Variants in ITPR1 observed in about 807,000 individuals in gnomAD.
ITPR1 encodes the protein inositol 1,4,5-trisphosphate-gated calcium channel ITPR1.
ITPR1 carries 96 observed loss-of-function variants against 318.4 expected under a neutral mutation model. The observed-to-expected ratio is 0.30, with a 90% CI of 0.26 to 0.36. ITPR1 has a LOEUF of 0.36. Among genes scored for constraint, ITPR1 ranks in the 10% least tolerant of loss-of-function variants. The pLI is 1.00. For synonymous variants in ITPR1, 1,312 were observed against 1,289.9 expected (o/e 1.02, Z -0.37); for missense variants, 2,440 against 3,460.2 (o/e 0.71, Z 7.40).
intron 4 of ITPR1, among the ~76,000 whole-genome samples, chr3:4,620,917 C>T (rs1348083730): frequency 1.3e-5 from 2 of 152,042 alleles, no homozygotes; most frequent in Non-Finnish European, 2.9e-5. Context: ...TCCTCTTTTT[C>T]TGCCACCCCC....
At chr3:4,728,489 T>C (rs1053914628) in intron 42 of ITPR1, among the ~76,000 whole-genome samples, 8 of 152,200 alleles carry the variant, frequency 5.3e-5, no homozygotes, top group African/African-American at 1.9e-4. Context: ...TATGTATTTA[T>C]AGGGTACATG....
rs1162366625 is a variant in ITPR1, at chr3:4,720,136, T to C, written c.5136+2737T>C. 2.6e-5 allele frequency among the ~76,000 whole-genome samples: 4 copies of C among 152,230 alleles called. No individual in the cohort carries two copies. In the South Asian group the frequency reaches 8.3e-4, roughly 31 times the overall value. On this transcript the variant is annotated intron_variant, in intron 40 of 61. Transcript: ENST00000649015. ...GACATTCATTTATATGACTAATATT[T>C]GAGTGCCTGTTACGTCCAGGGGGAT... is the stretch of plus-strand genomic sequence containing the variant.
chr3:4,742,160 G>A (rs571807029), intron 44 of ITPR1, among the ~76,000 whole-genome samples: 2 of 152,162 alleles, frequency 1.3e-5, no homozygotes, highest in African/African-American at 2.4e-5. Flanking sequence ...GAAGGAGAGA[G>A]CCTATCAACT....
chr3:4,768,244 G>C (rs768552998), intron 45 of ITPR1: 1 of 349,660 alleles, frequency 2.9e-6, no homozygotes, highest in Non-Finnish European at 5.1e-6. Flanking sequence ...GATGTGTGAG[G>C]CTGACAGAAC....
chr3:4,714,427 C>T lies in ITPR1; in HGVS notation c.5103+2559C>T, dbSNP rs575556877. On this transcript the variant is annotated intron_variant, in intron 39 of 61. Transcript: ENST00000649015. ...GTCCAGAATTGTTCTGCTTCTCTGC[C>T]CTCTCCTGAGCCTTCACCGCCAAAG... Among the ~76,000 whole-genome samples, 3 of 152,252 alleles carry T rather than the reference C, an allele frequency of 2.0e-5. No individual in the cohort carries two copies. The East Asian group carries it at 5.8e-4, about 29-fold the overall frequency.
intron 44 of ITPR1, among the ~76,000 whole-genome samples, chr3:4,741,518 G>A (rs537036375): frequency 6.6e-6 from 1 of 150,478 alleles, no homozygotes; most frequent in South Asian, 2.1e-4. Flanking sequence ...AGTGATCCCT[G>A]GTTCATGAGG....
chr3:4,716,871 T>C (rs2041804688), intron 39 of ITPR1, among the ~76,000 whole-genome samples: 1 of 152,194 alleles, frequency 6.6e-6, no homozygotes, highest in African/African-American at 2.4e-5. Context: ...AGGCTGGGGA[T>C]ATGCTGGTCT....
chr3:4,615,377 T>C (rs59496757), intron 4 of ITPR1, among the ~76,000 whole-genome samples: 1,187 of 116,926 alleles, frequency 0.01, 16 homozygotes, highest in African/African-American at 0.046. Flanking sequence ...TTCTTTCTTT[T>C]TTTTTTTTTT....
chr3:4,738,565 A>C (rs1232656973), intron 44 of ITPR1, among the ~76,000 whole-genome samples: 2 of 152,170 alleles, frequency 1.3e-5, no homozygotes, highest in African/African-American at 4.8e-5. Flanking sequence ...CTAACAATGA[A>C]GTATAGTGGC....
At chr3:4,597,066 G>A (rs2090886624) in intron 4 of ITPR1, among the ~76,000 whole-genome samples, 3 of 152,218 alleles carry the variant, frequency 2.0e-5, no homozygotes, top group Admixed American at 1.3e-4. Flanking sequence ...GTCTGAAGGG[G>A]TCTTCTTATT....
At chr3:4,559,088 G>T (rs532370827) in intron 4 of ITPR1, among the ~76,000 whole-genome samples, 1 of 151,898 alleles carries the variant, frequency 6.6e-6, no homozygotes, top group Non-Finnish European at 1.5e-5. Context: ...AAACTCCTGG[G>T]TGCAAATGAT....
chr3:4,526,376 T>C (rs1042428959), intron 4 of ITPR1, among the ~76,000 whole-genome samples: 1 of 152,214 alleles, frequency 6.6e-6, no homozygotes, highest in Non-Finnish European at 1.5e-5. Flanking sequence ...GTATCTTACA[T>C]TTCTCTTTCC....
chr3:4,707,469 G>A (rs776641052), intron 37 of ITPR1, among the ~76,000 whole-genome samples: 20 of 152,224 alleles, frequency 1.3e-4, no homozygotes, highest in South Asian at 4.1e-4. Context: ...CCCAAGATGA[G>A]TGTGTGTAGA....
intron 59 of ITPR1, among the ~76,000 whole-genome samples, chr3:4,817,224 C>G (rs2049361856): frequency 6.6e-6 from 1 of 152,190 alleles, no homozygotes; most frequent in South Asian, 2.1e-4. Context: ...AGCCCCGGTT[C>G]TTTTTACTGG....
At chr3:4,752,820 A>G (rs79322395) in intron 44 of ITPR1, among the ~76,000 whole-genome samples, 4,582 of 152,244 alleles carry the variant, frequency 0.03, 263 homozygotes, top group African/African-American at 0.1. Flanking sequence ...ATGTTTACTT[A>G]CTGAGCACTC....
At chr3:4,793,514 G>A (rs943345028) in intron 52 of ITPR1, among the ~76,000 whole-genome samples, 3 of 152,170 alleles carry the variant, frequency 2.0e-5, no homozygotes, top group Non-Finnish European at 2.9e-5. Flanking sequence ...ATCCAGATCG[G>A]AAATGGGCTT....
chr3:4,846,129 A>G lies in ITPR1; in HGVS notation c.8191-10A>G. The G allele has an allele frequency of 6.5e-7, 1 of 1,532,918 alleles. No individual in the cohort carries two copies. Among genetic ancestry groups the G allele is most frequent in the Non-Finnish European group, 8.8e-7 (1 of 1,132,284 alleles). 95.0% of individuals were successfully genotyped at this position (1,532,918 alleles called of 1,614,324 possible). On this transcript the variant is annotated splice_polypyrimidine_tract_variant and intron_variant, in intron 61 of 61. Coordinates refer to ENST00000649015, the MANE Select transcript of ITPR1 (RefSeq NM_001378452.1). ...TCTGGGTCTAATGATGAAACTTTTTAACTTTCCAGATGACAGAACAAAGGA... is the reference window on the plus strand; with the variant it reads ...TCTGGGTCTAATGATGAAACTTTTTGACTTTCCAGATGACAGAACAAAGGA...
intron 60 of ITPR1, among the ~76,000 whole-genome samples, chr3:4,835,227 T>C (rs1399543941): frequency 2.6e-5 from 4 of 152,090 alleles, no homozygotes; most frequent in Non-Finnish European, 5.9e-5. Flanking sequence ...TCTATATTGC[T>C]AGATGGCCCT....
chr3:4,606,773 T>C (rs539075088), intron 4 of ITPR1, among the ~76,000 whole-genome samples: 3 of 152,304 alleles, frequency 2.0e-5, no homozygotes, highest in South Asian at 2.1e-4. Flanking sequence ...GGCTCTTGCA[T>C]GACTCAGCTT....
Sources: gnomAD v4.1 joint callset for allele counts (sites outside exome capture counted in the v4.1 genomes callset) on GRCh38, gnomAD v4.1.1 for gene constraint, MANE v1.5 for transcripts, NCBI Gene and HGNC (gene_info 2026-07-23, HGNC 2026-07-21) for gene names.